Variants in BHMT2 observed in about 807,000 individuals in gnomAD.
BHMT2 encodes betaine--homocysteine S-methyltransferase 2, also known as S-methylmethionine--homocysteine S-methyltransferase BHMT2.
BHMT2 carries 28 observed loss-of-function variants against 39.0 expected under a neutral mutation model. The ratio of observed to expected loss-of-function variants is 0.72; its 90% CI spans 0.53 to 0.98. The LOEUF is 0.98. BHMT2 is among the 50% of genes least tolerant of loss of function. The probability of loss-of-function intolerance (pLI) is 0.00; values close to 1 mark genes in which losing one functional copy is unlikely to be tolerated. For synonymous variants in BHMT2, 145 were observed against 160.6 expected, an observed-to-expected ratio of 0.90 and a Z score of 0.74; for missense variants, 410 against 455.6, an observed-to-expected ratio of 0.90 and a Z score of 0.91.
intron 7 of BHMT2, 128 bp downstream of exon 7, chr5:79,083,984 C>T (rs1020477184): frequency 7.5e-7 from 1 of 1,335,966 alleles, no homozygotes; most frequent in Non-Finnish European, 1.0e-6. Context: ...AAATTATCCC[C>T]TTCCTGATAC....
chr5:79,088,711 C>A lies in BHMT2; in HGVS notation c.*137C>A. 1 of 649,424 alleles carries A rather than the reference C, an allele frequency of 1.5e-6. No individual in the cohort carries two copies. The highest frequency in any genetic ancestry group is 2.8e-5 in the East Asian group (1 of 35,456). The allele number at this position is 649,424 out of a possible 1,614,324, so 40.2% of individuals were successfully genotyped here. A position where few individuals can be genotyped will look rare whatever the true frequency, so the allele number is the denominator to read the frequency against. ...CTGAGCAGCTGAGGTGCTGCAGCCC[C>A]TTCCCTTCCAGCCCACAAGTGTGTG... On this transcript the variant is annotated 3_prime_UTR_variant, in exon 8 of 8. Transcript: ENST00000255192.
At chr5:79,087,014 G>GTGTGCATATATATATATA (rs1329456863) in intron 7 of BHMT2, among the ~76,000 whole-genome samples, 79 of 118,306 alleles carry the variant, frequency 6.7e-4, no homozygotes, top group African/African-American at 2.4e-3. Flanking sequence ...GTGTGTGTGT[G>GTGTGCATATATATATATA]TATATATATA....
In BHMT2 at chr5:79,089,577, C is replaced by T. The variant is rs1755982887; in HGVS notation, c.*1003C>T. The T allele has an allele frequency of 6.6e-6, 1 of 152,010 alleles. No homozygotes were observed. 9.4% of individuals were successfully genotyped at this position (152,010 alleles called of 1,614,324 possible). On this transcript the variant is annotated 3_prime_UTR_variant, in exon 8 of 8. Coordinates refer to ENST00000255192, the MANE Select transcript of BHMT2 (RefSeq NM_017614.5). ...TAAGCTTATAATCTTCTCATAATTC[C>T]CCTTACTTAGCATTGTGTTAGACAT...
At chr5:79,087,014 G>GTGTGCATATATATATATATATATA (rs1329456863) in intron 7 of BHMT2, among the ~76,000 whole-genome samples, 5 of 118,310 alleles carry the variant, frequency 4.2e-5, no homozygotes, top group African/African-American at 1.6e-4. Context: ...GTGTGTGTGT[G>GTGTGCATATATATATATATATATA]TATATATATA....
At chr5:79,073,464 C>T (rs545414569) in intron 1 of BHMT2, among the ~76,000 whole-genome samples, 2 of 152,296 alleles carry the variant, frequency 1.3e-5, no homozygotes, top group South Asian at 4.1e-4. Flanking sequence ...GGGCAGAGAC[C>T]TTGTCTTATT....
chr5:79,088,490 C>T lies in BHMT2; in HGVS notation c.1011-3C>T. ...AATTAATTATGTATATATTGAAACA[C>T]AGGGCTCGAAGGGAGTATTGGGAGA... is the stretch of plus-strand genomic sequence containing the variant. On this transcript the variant is annotated splice_region_variant and splice_polypyrimidine_tract_variant and intron_variant, in intron 7 of 7. Transcript: ENST00000255192. 1.2e-6 allele frequency: 2 copies of T among 1,612,886 alleles called. No homozygotes were observed. The highest frequency in any genetic ancestry group is 8.5e-7 in the Non-Finnish European group (1 of 1,179,348).
intron 4 of BHMT2, among the ~76,000 whole-genome samples, chr5:79,081,675 C>A (rs1198354316): frequency 6.6e-6 from 1 of 152,120 alleles, no homozygotes; most frequent in Non-Finnish European, 1.5e-5. Flanking sequence ...CCCTGGTGAA[C>A]AAGGTGAAAG....
At chr5:79,084,210 G>C (rs1484536638) in intron 7 of BHMT2, among the ~76,000 whole-genome samples, 2 of 152,220 alleles carry the variant, frequency 1.3e-5, no homozygotes, top group East Asian at 3.9e-4. Flanking sequence ...ATACCTTCTT[G>C]CTGTGTCCTC....
intron 5 of BHMT2, 87 bp from the exon 6 acceptor site, chr5:79,083,098 AGGGGAAT>A: frequency 3.2e-6 from 5 of 1,574,234 alleles, no homozygotes; most frequent in Non-Finnish European, 4.3e-6. Flanking sequence ...TGGGAGGTGG[AGGGGAAT>A]GGCTAACCTC....
chr5:79,083,071 T>C (rs1278164302), intron 5 of BHMT2, 115 bp downstream of exon 5: 4 of 1,573,384 alleles, frequency 2.5e-6, no homozygotes, highest in Non-Finnish European at 2.6e-6. Context: ...CCAATCAGTT[T>C]TCTTATCTGT....
rs1158771280 is a variant in BHMT2, at chr5:79,083,304, G to A, written c.711G>A (p.Val237=). The part of the protein sequence containing the change: ...EWAGLKAHLM[V]QPLGFHAPDC... ...CAGGGCTGAAAGCGCACCTCATGGT[G>A]CAGCCTCTGGGGTTCCACGCGCCTG... Residue 237 remains valine (V), a synonymous_variant, in exon 6 of 8, where the codon GTG becomes GTA. Transcript: ENST00000255192. 6.2e-7 allele frequency: 1 copy of A among 1,613,578 alleles called. No homozygotes were observed.
intron 7 of BHMT2, among the ~76,000 whole-genome samples, chr5:79,087,041 T>TATATATATATATAC (rs1491463046): frequency 1.4e-5 from 2 of 138,384 alleles, no homozygotes; most frequent in African/African-American, 2.7e-5. Flanking sequence ...TATATATATA[T>TATATATATATATAC]ACATATGTAT....
chr5:79,087,012 G>GTATATATATATA (rs1237997664), intron 7 of BHMT2, among the ~76,000 whole-genome samples: 2 of 108,132 alleles, frequency 1.8e-5, no homozygotes, highest in African/African-American at 8.7e-5. Flanking sequence ...GTGTGTGTGT[G>GTATATATATATA]TGTATATATA....
Position 79,088,593 on chromosome 5 carries a change from C to G in BHMT2, c.*19C>G, listed in dbSNP as rs745456442. 5.6e-6 allele frequency: 9 copies of G among 1,608,626 alleles called. No individual in the cohort carries two copies. The Admixed American group carries it at 1.5e-4, about 27-fold the overall frequency. ...CTTCTAAGGAGTAGTGAAAGAAAAC[C>G]CTGAAATAATCGAACAGGAAAAAGT... On this transcript the variant is annotated 3_prime_UTR_variant, in exon 8 of 8. Transcript: ENST00000255192.
chr5:79,083,019 G>A (rs1755819407), intron 5 of BHMT2, 63 bp downstream of exon 5: 1 of 1,603,140 alleles, frequency 6.2e-7, no homozygotes, highest in South Asian at 1.1e-5. Context: ...AACAAAGTGT[G>A]CTTGATATTG....
At chr5:79,080,238 T>C (rs756892481) in intron 3 of BHMT2, among the ~76,000 whole-genome samples, 13 of 152,236 alleles carry the variant, frequency 8.5e-5, no homozygotes, top group Non-Finnish European at 1.6e-4. Context: ...ACAGTAGTGC[T>C]TAAATTCATA....
At chr5:79,088,408 A>C (rs1755947888) in intron 7 of BHMT2, 85 bp from the exon 8 acceptor site, 12 of 852,700 alleles carry the variant, frequency 1.4e-5, no homozygotes, top group Non-Finnish European at 2.2e-5. Context: ...GGTTATATAC[A>C]TATACATACA....
intron 1 of BHMT2, 140 bp from the exon 2 acceptor site, chr5:79,077,340 T>A (rs1256613871): frequency 2.6e-6 from 3 of 1,160,148 alleles, no homozygotes; most frequent in Non-Finnish European, 3.5e-6. Flanking sequence ...TCAATCTTTC[T>A]GAAATATTAT....
At chr5:79,077,746 T>A in intron 2 of BHMT2, 134 bp downstream of exon 2, 1 of 1,089,254 alleles carries the variant, frequency 9.2e-7, no homozygotes, top group South Asian at 1.6e-5. Context: ...GATGTGGAGA[T>A]AATGGCAGTA....
Sources: allele counts gnomAD v4.1 joint callset (sites outside exome capture counted in the v4.1 genomes callset), GRCh38; gene constraint gnomAD v4.1.1; transcripts MANE v1.5; gene names NCBI Gene and HGNC (gene_info 2026-07-23, HGNC 2026-07-21).